The following CD44 variants were observed in gnomAD, a reference collection of about 807,000 sequenced individuals.
The protein encoded by CD44 is CD44 antigen.
A neutral mutation model predicts 88.8 loss-of-function variants in CD44; 49 were observed. That is an observed-to-expected ratio of 0.55 (90% CI 0.44 to 0.70). The LOEUF (loss-of-function observed/expected upper bound fraction) is 0.70, where lower values mean the gene tolerates loss of function less well. Among genes scored for constraint, CD44 ranks in the 30% least tolerant of loss-of-function variants. The pLI is 0.00. For missense variants in CD44, 883 were observed against 913.8 expected (o/e 0.97, Z 0.43); for synonymous variants, 325 against 312.3 (o/e 1.04, Z -0.43).
chr11:35,198,126 T>A lies in CD44; in HGVS notation c.802T>A (p.Ser268Thr), dbSNP rs766950689. Residue 268 changes from serine (S) to threonine (T), a missense_variant, in exon 7 of 18, where the codon TCT becomes ACT. Physicochemically the swap from Ser to Thr is moderately conservative, Grantham distance 58 (BLOSUM62 1). This residue lies in a region of CD44 where 631 missense variants were observed against 590.9 expected (regional missense o/e 1.07). Transcript: ENST00000428726. ...AATGCAAGTCACCACAACAGGTACG[T>A]CTTCAAATACCATCTCAGCAGGCTG... ...LHTTTQMAGT[S>T]SNTISAGWEP... 1.1e-4 allele frequency: 182 copies of A among 1,613,638 alleles called. 3 individuals are homozygous for A. In the South Asian group the frequency reaches 1.9e-3, roughly 17 times the overall value.
intron 17 of CD44, among the ~76,000 whole-genome samples, chr11:35,227,092 A>G (rs1318878920): frequency 6.6e-6 from 1 of 151,982 alleles, no homozygotes; most frequent in African/African-American, 2.4e-5. Context: ...GGGTTTCACC[A>G]TGTTGGCCAG....
At chr11:35,158,034 G>A (rs1359152105) in intron 1 of CD44, among the ~76,000 whole-genome samples, 1 of 152,160 alleles carries the variant, frequency 6.6e-6, no homozygotes, top group Non-Finnish European at 1.5e-5. Flanking sequence ...TTATCTGTTT[G>A]AGCTTCCTGT....
intron 11 of CD44, among the ~76,000 whole-genome samples, chr11:35,207,871 A>G (rs1232603566): frequency 6.6e-6 from 1 of 152,198 alleles, no homozygotes; most frequent in Non-Finnish European, 1.5e-5. Context: ...CTCAGCAAAA[A>G]CAAACACACA....
In CD44 at chr11:35,151,596, G is replaced by A. The variant is rs76856010; in HGVS notation, c.67+12226G>A. 5.7e-3 allele frequency among the ~76,000 whole-genome samples: 875 copies of A among 152,298 alleles called. 6 individuals are homozygous for A. Among genetic ancestry groups the A allele is most frequent in the African/African-American group, 0.02 (842 of 41,550 alleles). ...TTGGCTCAGGTATGGAGAGTGCTGT[G>A]ATCCATTAGTGATGTCTGCTATGGG... On this transcript the variant is annotated intron_variant, in intron 1 of 17. Coordinates refer to ENST00000428726, the MANE Select transcript of CD44 (RefSeq NM_000610.4).
Position 35,229,330 on chromosome 11 carries a change from G to A in CD44, c.2226G>A (p.Val742=). 1 of 1,598,332 alleles carries A rather than the reference G, an allele frequency of 6.3e-7. No individual in the cohort carries two copies. The highest frequency in any genetic ancestry group is 8.6e-7 in the Non-Finnish European group (1 of 1,165,902). The change falls in exon 18 of 18, where the codon GTG becomes GTA. Residue 742 remains valine, a synonymous_variant. Coordinates refer to ENST00000428726, the MANE Select transcript of CD44 (RefSeq NM_000610.4). ...NLQNVDMKIG[V] The stretch of plus-strand genomic sequence containing the variant: ...AGAATGTGGACATGAAGATTGGGGT[G>A]TAACACCTACACCATTATCTTGGAA...
chr11:35,186,155 C>T (rs1467132190), intron 3 of CD44, among the ~76,000 whole-genome samples: 1 of 152,142 alleles, frequency 6.6e-6, no homozygotes, highest in Non-Finnish European at 1.5e-5. Flanking sequence ...TCAGAAGCAA[C>T]ATGCTGAGAA....
rs188794152 is a variant in CD44, at chr11:35,209,193, C to G, written c.1517-772C>G. Among the ~76,000 whole-genome samples the G allele has an allele frequency of 1.2e-3, 189 of 152,176 alleles. 1 individual carries two copies. The highest frequency in any genetic ancestry group is 4.4e-3 in the African/African-American group (184 of 41,466). ...TTATGAAGTTTTTGCACCTGCAACT[C>G]AGGTCAGTACCTTTCTTAAAAGAAC... On this transcript the variant is annotated intron_variant, in intron 12 of 17. Transcript: ENST00000428726.
rs1395326279 is a variant in CD44, at chr11:35,230,935, A to G, written c.*1602A>G. On this transcript the variant is annotated 3_prime_UTR_variant, in exon 18 of 18. Coordinates refer to ENST00000428726, the MANE Select transcript of CD44 (RefSeq NM_000610.4). ...AACAGGCAATGCTTCTCAGACCACAAAGCAGAAAGAAGAAGAAAAGCTCCT... is the reference window on the plus strand; with the variant it reads ...AACAGGCAATGCTTCTCAGACCACAGAGCAGAAAGAAGAAGAAAAGCTCCT... The G allele has an allele frequency of 6.6e-6, 1 of 152,664 alleles. No individual in the cohort carries two copies. Among genetic ancestry groups the G allele is most frequent in the African/African-American group, 2.4e-5 (1 of 41,452 alleles). 9.5% of individuals were successfully genotyped at this position (152,664 alleles called of 1,614,324 possible).
rs904257161 is a variant in CD44 at position 35,204,791 on chromosome 11, A to G, written c.1282+151A>G. The stretch of plus-strand genomic sequence containing the variant: ...TTATGCTGCAGTTCACACAGAGCCA[A>G]ACCTTAAAGGCTCATAACAAGTCAC... On this transcript the variant is annotated intron_variant, in intron 10 of 17. Coordinates refer to ENST00000428726, the MANE Select transcript of CD44 (RefSeq NM_000610.4). 1.2e-5 allele frequency: 8 copies of G among 669,382 alleles called. No homozygotes were observed. The Admixed American group carries it at 2.0e-4, about 17-fold the overall frequency. 41.5% of individuals were successfully genotyped at this position (669,382 alleles called of 1,614,324 possible). A position where few individuals can be genotyped will look rare whatever the true frequency, so the allele number is the denominator to read the frequency against.
intron 17 of CD44, among the ~76,000 whole-genome samples, chr11:35,224,663 G>T (rs558750566): frequency 6.6e-6 from 1 of 152,156 alleles, no homozygotes; most frequent in Non-Finnish European, 1.5e-5. Flanking sequence ...CTTGAGCCCC[G>T]GGAGGTGGAG....
In CD44 at chr11:35,196,831, A is replaced by G; in HGVS notation, c.753A>G (p.Pro251=). Reference sequence around the variant, plus strand: ...ATTGGTTTTCATGGTTGTTTCTACCATCAGAGTCAAAGAATCATCTTCACA... The same window carrying G: ...ATTGGTTTTCATGGTTGTTTCTACCGTCAGAGTCAAAGAATCATCTTCACA... The part of the protein sequence containing the change: ...TWDWFSWLFL[P]SESKNHLHTT... The change falls in exon 6 of 18, where the codon CCA becomes CCG. Residue 251 remains proline (P), a synonymous_variant. Coordinates refer to ENST00000428726, the MANE Select transcript of CD44 (RefSeq NM_000610.4). The G allele has an allele frequency of 6.2e-7, 1 of 1,613,768 alleles. No homozygotes were observed. Among genetic ancestry groups the G allele is most frequent in the Non-Finnish European group, 8.5e-7 (1 of 1,179,772 alleles).
chr11:35,167,610 C>T (rs1213541486), intron 1 of CD44, among the ~76,000 whole-genome samples: 2 of 152,212 alleles, frequency 1.3e-5, no homozygotes, highest in South Asian at 2.1e-4. Flanking sequence ...ATTTGGAGAG[C>T]TTACCAGTGC....
chr11:35,185,188 G>C (rs969391127), intron 3 of CD44, among the ~76,000 whole-genome samples: 18 of 152,206 alleles, frequency 1.2e-4, no homozygotes, highest in African/African-American at 4.3e-4. Flanking sequence ...ACAGGTGTGG[G>C]GGAGTGATGA....
At chr11:35,194,656 G>A (rs1382552782) in intron 5 of CD44, among the ~76,000 whole-genome samples, 2 of 152,210 alleles carry the variant, frequency 1.3e-5, no homozygotes, top group African/African-American at 4.8e-5. Flanking sequence ...AGTGAGAATA[G>A]GGTCTTGTAC....
intron 1 of CD44, among the ~76,000 whole-genome samples, chr11:35,162,274 T>A (rs1942720852): frequency 6.6e-6 from 1 of 152,204 alleles, no homozygotes; most frequent in Non-Finnish European, 1.5e-5. Context: ...GTTCTAGGTC[T>A]AGGTCTAGGT....
chr11:35,156,698 CTACACCTCATGTGTCTGT>C (rs1941914238), intron 1 of CD44, among the ~76,000 whole-genome samples: 1 of 152,224 alleles, frequency 6.6e-6, no homozygotes, highest in Non-Finnish European at 1.5e-5. Context: ...TTGGCTCCAA[CTACACCTCATGTGTCTGT>C]TACATTTATC....
At chr11:35,181,232 C>T (rs952419223) in intron 3 of CD44, among the ~76,000 whole-genome samples, 2 of 151,996 alleles carry the variant, frequency 1.3e-5, no homozygotes, top group Non-Finnish European at 2.9e-5. Flanking sequence ...TATCCCTTAC[C>T]CAACAGTTGA....
At chr11:35,145,693 A>G (rs201216568) in intron 1 of CD44, among the ~76,000 whole-genome samples, 1 of 152,146 alleles carries the variant, frequency 6.6e-6, no homozygotes, top group East Asian at 1.9e-4. Context: ...CGAGGTTGAG[A>G]TCCTTGGGTG....
intron 1 of CD44, among the ~76,000 whole-genome samples, chr11:35,148,140 C>T (rs1009161443): frequency 3.3e-5 from 5 of 152,040 alleles, no homozygotes; most frequent in African/African-American, 4.8e-5. Context: ...ATGCAGCCAA[C>T]ACCTGGTCTC....
Sources: allele counts gnomAD v4.1 joint callset (sites outside exome capture counted in the v4.1 genomes callset), GRCh38; gene constraint gnomAD v4.1.1; regional missense constraint gnomAD v4.1.1; transcripts MANE v1.5; gene names NCBI Gene and HGNC (gene_info 2026-07-23, HGNC 2026-07-21).